P2RY2: variants seen among roughly 807,000 people sequenced by gnomAD.
The protein encoded by P2RY2 is P2Y purinoceptor 2.
For missense variants in P2RY2, 567 were observed against 515.7 expected (o/e 1.10, Z -0.96); for synonymous variants, 241 against 231.9 (o/e 1.04, Z -0.35).
chr11:73,220,695 C>G (rs889680596), intron 1 of P2RY2, among the ~76,000 whole-genome samples: 2 of 152,170 alleles, frequency 1.3e-5, no homozygotes, highest in East Asian at 1.9e-4. Context: ...CTCCTCTTCT[C>G]CCTGCCTTGG....
In P2RY2 at chr11:73,234,965, A is replaced by T. The variant is rs1862591538; in HGVS notation, c.806A>T (p.Tyr269Phe). 1 of 1,609,166 alleles carries T rather than the reference A, an allele frequency of 6.2e-7. No individual in the cohort carries two copies. The highest frequency in any genetic ancestry group is 8.5e-7 in the Non-Finnish European group (1 of 1,179,702). ...LPFHVTRTLY[Y>F]SFRSLDLSCH... ...TTCCACGTCACCCGCACCCTCTACT[A>T]CTCCTTCCGCTCGCTGGACCTCAGC... The change falls in exon 3 of 3, where the codon TAC (tyrosine) becomes TTC (phenylalanine). Residue 269 changes from tyrosine (Y) to phenylalanine (F), a missense_variant. Physicochemically the swap from Tyr to Phe is conservative, Grantham distance 22 (BLOSUM62 3). Transcript: ENST00000393597.
At chr11:73,226,827 C>T (rs1476163119) in intron 1 of P2RY2, among the ~76,000 whole-genome samples, 2 of 152,118 alleles carry the variant, frequency 1.3e-5, no homozygotes, top group African/African-American at 2.4e-5. Context: ...GGCCAGAATT[C>T]GGGAGGGCTG....
chr11:73,234,978 G>C lies in P2RY2; in HGVS notation c.819G>C (p.Ser273=), dbSNP rs752944917. The C allele has an allele frequency of 6.2e-7, 1 of 1,609,654 alleles. No homozygotes were observed. The highest frequency in any genetic ancestry group is 8.5e-7 in the Non-Finnish European group (1 of 1,179,988). ...VTRTLYYSFR[S]LDLSCHTLNA... ...GCACCCTCTACTACTCCTTCCGCTC[G>C]CTGGACCTCAGCTGCCACACCCTCA... is the stretch of plus-strand genomic sequence containing the variant. Residue 273 remains serine (S), a synonymous_variant, in exon 3 of 3, where the codon TCG becomes TCC. Transcript: ENST00000393597.
intron 1 of P2RY2, among the ~76,000 whole-genome samples, chr11:73,225,110 C>G (rs1387286596): frequency 6.6e-6 from 1 of 152,202 alleles, no homozygotes; most frequent in African/African-American, 2.4e-5. Flanking sequence ...GGGGTCTCCA[C>G]AGTGGTGACA....
At chr11:73,229,069 G>A (rs1438072254) in intron 2 of P2RY2, among the ~76,000 whole-genome samples, 1 of 152,182 alleles carries the variant, frequency 6.6e-6, no homozygotes, top group Non-Finnish European at 1.5e-5. Context: ...CCTGCTGGAT[G>A]ATAGGGACAG....
rs527721006 is a variant in P2RY2 at position 73,229,442 on chromosome 11, G to A, written c.-5+1267G>A. 2.7e-3 allele frequency among the ~76,000 whole-genome samples: 410 copies of A among 152,282 alleles called. 1 individual carries two copies. The highest frequency in any genetic ancestry group is 0.024 in the Middle Eastern group (7 of 294). On this transcript the variant is annotated intron_variant, in intron 2 of 2. Coordinates refer to ENST00000393597, the MANE Select transcript of P2RY2 (RefSeq NM_002564.4). The stretch of plus-strand genomic sequence containing the variant: ...GCCGTCTCTAGTCCCAGGGGCATCA[G>A]GGTCAGGAGAGGCAGAAGGGAGACT...
rs1862634000 is a variant in P2RY2 at position 73,235,730 on chromosome 11, A to G, written c.*437A>G. The stretch of plus-strand genomic sequence containing the variant: ...GTGGGGGCCAAGTCACAGGTTGGCC[A>G]GAAAACCCTGGTAAGTAATGAGGGC... On this transcript the variant is annotated 3_prime_UTR_variant, in exon 3 of 3. Coordinates refer to ENST00000393597, the MANE Select transcript of P2RY2 (RefSeq NM_002564.4). 9.9e-7 allele frequency: 1 copy of G among 1,006,636 alleles called. No homozygotes were observed. The highest frequency in any genetic ancestry group is 4.6e-5 in the South Asian group (1 of 21,554). The allele number at this position is 1,006,636 out of a possible 1,614,324, so 62.4% of individuals were successfully genotyped here.
rs775490335 is a variant in P2RY2, at chr11:73,234,495, C to T, written c.336C>T (p.Leu112=). 1 of 1,613,940 alleles carries T rather than the reference C, an allele frequency of 6.2e-7. No individual in the cohort carries two copies. The highest frequency in any genetic ancestry group is 8.5e-7 in the Non-Finnish European group (1 of 1,179,858). The change falls in exon 3 of 3, where the codon CTC becomes CTT. Residue 112 remains leucine, a synonymous_variant. Transcript: ENST00000393597. ...STVLCKLVRF[L]FYTNLYCSIL... ...TGCTCTGCAAGCTGGTGCGCTTCCT[C>T]TTCTACACCAACCTTTACTGCAGCA...
At chr11:73,218,948 G>A (rs924241769) in intron 1 of P2RY2, among the ~76,000 whole-genome samples, 1 of 152,180 alleles carries the variant, frequency 6.6e-6, no homozygotes, top group African/African-American at 2.4e-5. Flanking sequence ...CGGGGGAGGA[G>A]GGAGTGGCCA....
At position 73,237,979 on chromosome 11, in the gene P2RY2, G is replaced by A. The variant is rs1176915471; in HGVS notation, c.*2686G>A. Among the ~76,000 whole-genome samples the A allele has an allele frequency of 6.6e-6, 1 of 152,168 alleles. No homozygotes were observed. Among genetic ancestry groups the A allele is most frequent in the Non-Finnish European group, 1.5e-5 (1 of 68,034 alleles). On this transcript the variant is annotated 3_prime_UTR_variant, in exon 3 of 3. Transcript: ENST00000393597. ...CCTCCCTAACCTGACATCACTTCCT[G>A]GGCTGTTGACTCATGAAGGCCACTG... is the stretch of plus-strand genomic sequence containing the variant.
Position 73,234,464 on chromosome 11 carries a change from G to A in P2RY2, c.305G>A (p.Ser102Asn), listed in dbSNP as rs1356627599. ...YYARGDHWPFSTVLCKLVRFL... is the reference protein window; with the variant it reads ...YYARGDHWPFNTVLCKLVRFL... Reference sequence around the variant, plus strand: ...GCCCGCGGCGACCACTGGCCCTTCAGCACGGTGCTCTGCAAGCTGGTGCGC... The same window carrying A: ...GCCCGCGGCGACCACTGGCCCTTCAACACGGTGCTCTGCAAGCTGGTGCGC... The change falls in exon 3 of 3, where the codon AGC becomes AAC. Residue 102 changes from serine (S) to asparagine (N), a missense_variant. Ser to Asn is a conservative substitution (Grantham distance 46). Transcript: ENST00000393597. 1 of 1,614,160 alleles carries A rather than the reference G, an allele frequency of 6.2e-7. No homozygotes were observed. The highest frequency in any genetic ancestry group is 1.1e-5 in the South Asian group (1 of 91,082).
intron 1 of P2RY2, among the ~76,000 whole-genome samples, chr11:73,224,891 T>C (rs1862232810): frequency 6.6e-6 from 1 of 152,192 alleles, no homozygotes; most frequent in South Asian, 2.1e-4. Context: ...TCTAACTAGC[T>C]CAACAACCTT....
intron 2 of P2RY2, 167 bp from the exon 3 acceptor site, chr11:73,233,989 G>C: frequency 1.4e-6 from 1 of 730,244 alleles, no homozygotes; most frequent in Non-Finnish European, 2.2e-6. Context: ...GTGTGATCCT[G>C]ATATTTATTC....
rs2135654379 is a variant in P2RY2 at position 73,239,612 on chromosome 11, T to A, written c.*4319T>A. On this transcript the variant is annotated 3_prime_UTR_variant, in exon 3 of 3. Coordinates refer to ENST00000393597, the MANE Select transcript of P2RY2 (RefSeq NM_002564.4). ...TAGGAGCAGAGGACTGGTCTGGAGCTGGGCAAGGGCAGGCAGCAAATGGGG... is the reference window on the plus strand; with the variant it reads ...TAGGAGCAGAGGACTGGTCTGGAGCAGGGCAAGGGCAGGCAGCAAATGGGG... The A allele has an allele frequency of 6.6e-6, 1 of 152,452 alleles. No individual in the cohort carries two copies. Among genetic ancestry groups the A allele is most frequent in the South Asian group, 2.1e-4 (1 of 4,822 alleles). The allele number at this position is 152,452 out of a possible 1,614,324, so 9.4% of individuals were successfully genotyped here.
chr11:73,224,946 G>A (rs934272786), intron 1 of P2RY2, among the ~76,000 whole-genome samples: 13 of 152,178 alleles, frequency 8.5e-5, no homozygotes, highest in Non-Finnish European at 1.6e-4. Context: ...TTGAGATCTG[G>A]GTTTTGGAGT....
At chr11:73,234,021 G>A in intron 2 of P2RY2, 135 bp from the exon 3 acceptor site, 3 of 1,021,384 alleles carry the variant, frequency 2.9e-6, no homozygotes. Flanking sequence ...GCATTCTCAA[G>A]GTTCCAGAGC....
At chr11:73,221,917 T>C (rs1011101633) in intron 1 of P2RY2, among the ~76,000 whole-genome samples, 2 of 152,068 alleles carry the variant, frequency 1.3e-5, no homozygotes, top group African/African-American at 4.8e-5. Context: ...GGAGTAGGCA[T>C]GGAGTAGAAG....
chr11:73,240,893 T>A lies in P2RY2; in HGVS notation c.*5600T>A, dbSNP rs1465255767. On this transcript the variant is annotated 3_prime_UTR_variant, in exon 3 of 3. Coordinates refer to ENST00000393597, the MANE Select transcript of P2RY2 (RefSeq NM_002564.4). The stretch of plus-strand genomic sequence containing the variant: ...CCCACTGAGTCCCATTTTTACCAAA[T>A]GTGGCTGTTAGGAACTGAATGTTTG... 6.6e-6 allele frequency: 1 copy of A among 152,262 alleles called. No homozygotes were observed. Among genetic ancestry groups the A allele is most frequent in the Non-Finnish European group, 1.5e-5 (1 of 68,090 alleles). The allele number at this position is 152,262 out of a possible 1,614,324, so 9.4% of individuals were successfully genotyped here.
chr11:73,240,088 T>C lies in P2RY2; in HGVS notation c.*4795T>C, dbSNP rs565614641. ...CCCTCTCTGGGCCTCGCTTTCCCCA[T>C]CTTCGATAGGACTTGGCTCTGCCTG... is the stretch of plus-strand genomic sequence containing the variant. On this transcript the variant is annotated 3_prime_UTR_variant, in exon 3 of 3. Coordinates refer to ENST00000393597, the MANE Select transcript of P2RY2 (RefSeq NM_002564.4). 1.3e-5 allele frequency: 2 copies of C among 152,568 alleles called. No homozygotes were observed. Among genetic ancestry groups the C allele is most frequent in the South Asian group, 4.1e-4 (2 of 4,834 alleles). 9.5% of individuals were successfully genotyped at this position (152,568 alleles called of 1,614,324 possible). A position where few individuals can be genotyped will look rare whatever the true frequency, so the allele number is the denominator to read the frequency against.
Sources: gnomAD v4.1 joint callset for allele counts (sites outside exome capture counted in the v4.1 genomes callset) on GRCh38, gnomAD v4.1.1 for gene constraint, MANE v1.5 for transcripts, NCBI Gene and HGNC (gene_info 2026-07-23, HGNC 2026-07-21) for gene names.